Variants in AKAP8L observed in about 807,000 individuals in gnomAD.
AKAP8L encodes the protein A-kinase anchoring protein 8 like.
AKAP8L carries 34 observed loss-of-function variants against 77.5 expected under a neutral mutation model. The observed-to-expected ratio is 0.44, with a 90% confidence interval of 0.33 to 0.58. The LOEUF (loss-of-function observed/expected upper bound fraction) is 0.58, where lower values mean the gene tolerates loss of function less well. Among genes scored for constraint, AKAP8L ranks in the 20% least tolerant of loss-of-function variants. AKAP8L has a pLI of 0.02. For missense variants in AKAP8L, 806 were observed against 887.6 expected (o/e 0.91, Z 1.17); for synonymous variants, 342 against 340.7 (o/e 1.00, Z -0.04).
At chr19:15,409,634 C>T (rs552536907) in intron 2 of AKAP8L, among the ~76,000 whole-genome samples, 22 of 152,184 alleles carry the variant, frequency 1.4e-4, no homozygotes, top group Non-Finnish European at 2.8e-4. Flanking sequence ...AACAGATACC[C>T]CTAGAGTCAC....
rs1369033873 is a variant in AKAP8L, at chr19:15,380,109, C to T, written c.*13G>A. Reference sequence around the variant, plus strand: ...GCTTCGGCCACGCGGGCTCCGCCCGCCCCGAGCTCGGGTCACGGGGCGCCC... The same window carrying T: ...GCTTCGGCCACGCGGGCTCCGCCCGTCCCGAGCTCGGGTCACGGGGCGCCC... On this transcript the variant is annotated 3_prime_UTR_variant, in exon 14 of 14. Transcript: ENST00000397410. 5 of 1,471,834 alleles carry T rather than the reference C, an allele frequency of 3.4e-6. No homozygotes were observed. The Admixed American group carries it at 7.8e-5, about 23-fold the overall frequency. 91.2% of individuals were successfully genotyped at this position (1,471,834 alleles called of 1,614,324 possible).
At chr19:15,415,696 C>T (rs1009575156) in intron 1 of AKAP8L, among the ~76,000 whole-genome samples, 1 of 151,968 alleles carries the variant, frequency 6.6e-6, no homozygotes, top group African/African-American at 2.4e-5. Context: ...ACCATCCTGG[C>T]TAACAAGGTG....
Position 15,418,969 on chromosome 19 carries a change from T to C in AKAP8L, c.-46A>G, listed in dbSNP as rs1420465896. On this transcript the variant is annotated 5_prime_UTR_variant, in exon 1 of 14. Transcript: ENST00000397410. ...CCGACGACGCCGGCTTCTGCTGCTC[T>C]GAACATCCGACGCTGCGATAGCTGC... is the stretch of plus-strand genomic sequence containing the variant. 2 of 1,603,450 alleles carry C rather than the reference T, an allele frequency of 1.2e-6. No homozygotes were observed. Among genetic ancestry groups the C allele is most frequent in the Non-Finnish European group, 1.7e-6 (2 of 1,179,206 alleles).
Position 15,399,220 on chromosome 19 carries a change from A to C in AKAP8L, c.1157+82T>G. 7.7e-7 allele frequency: 1 copy of C among 1,299,696 alleles called. No homozygotes were observed. Among genetic ancestry groups the C allele is most frequent in the South Asian group, 1.2e-5 (1 of 83,396 alleles). 80.5% of individuals were successfully genotyped at this position (1,299,696 alleles called of 1,614,324 possible). A position where few individuals can be genotyped will look rare whatever the true frequency, so the allele number is the denominator to read the frequency against. On this transcript the variant is annotated intron_variant, in intron 9 of 13. Coordinates refer to ENST00000397410, the MANE Select transcript of AKAP8L (RefSeq NM_014371.4). The surrounding 1 kb of genome is among the most constrained non-coding windows in gnomAD (Gnocchi z 6.1). The stretch of plus-strand genomic sequence containing the variant: ...TCCCAAGGGAGGCCAGAGGGCGGCG[A>C]GCTGGCAGAGCTATGGCCCTGCTCT...
rs758488598 is a variant in AKAP8L, at chr19:15,403,608, T to C, written c.229A>G (p.Asn77Asp). The C allele has an allele frequency of 6.2e-6, 10 of 1,613,966 alleles. No homozygotes were observed. The highest frequency in any genetic ancestry group is 8.5e-6 in the Non-Finnish European group (10 of 1,179,888). Residue 77 changes from asparagine (N) to aspartate (D), a missense_variant, in exon 4 of 14, where the codon AAT (asparagine) becomes GAT (aspartate). Asn to Asp is a conservative substitution (Grantham distance 23). Coordinates refer to ENST00000397410, the MANE Select transcript of AKAP8L (RefSeq NM_014371.4). This position sits in a 1 kb window ranked among gnomAD's most constrained non-coding sequence, Gnocchi z 4.3. ...CTACCCGAGGCACTAGTGTTTGCAT[T>C]TGTGTCAGAGCTAGGCATTTCCCAA... ...HSWEMPSSDT[N>D]ANTSASGSAS... is the part of the protein sequence containing the mutation.
chr19:15,403,177 AGGGGT>A lies in AKAP8L; in HGVS notation c.362+293_362+297del. The A allele has an allele frequency of 2.3e-6, 1 of 437,910 alleles. No individual in the cohort carries two copies. Among genetic ancestry groups the A allele is most frequent in the Non-Finnish European group, 4.3e-6 (1 of 234,422 alleles). 27.1% of individuals were successfully genotyped at this position (437,910 alleles called of 1,614,324 possible). ...ATTCCAAATGGCTGTCCTTGGAGGGAGGGGTGGCTGAACACTCTGTTTTTGAGGGC... is the reference window on the plus strand; with the variant it reads ...ATTCCAAATGGCTGTCCTTGGAGGGAGGCTGAACACTCTGTTTTTGAGGGC... On this transcript the variant is annotated intron_variant, in intron 4 of 13. Transcript: ENST00000397410. The surrounding 1 kb of genome is among the most constrained non-coding windows in gnomAD (Gnocchi z 4.3).
chr19:15,390,390 G>A (rs1265932161), intron 12 of AKAP8L, among the ~76,000 whole-genome samples: 1 of 142,930 alleles, frequency 7.0e-6, no homozygotes, highest in East Asian at 2.0e-4. Context: ...TTGCACTCCA[G>A]CCTAGGCGAC....
intron 2 of AKAP8L, among the ~76,000 whole-genome samples, chr19:15,407,031 A>G (rs1301383928): frequency 1.3e-5 from 2 of 152,116 alleles, no homozygotes; most frequent in Non-Finnish European, 2.9e-5. Flanking sequence ...TGGGGCAGGC[A>G]GATCGCTTGA....
intron 1 of AKAP8L, among the ~76,000 whole-genome samples, chr19:15,413,849 G>A (rs181823293): frequency 6.6e-6 from 1 of 152,254 alleles, no homozygotes; most frequent in East Asian, 1.9e-4. Flanking sequence ...GCAAGCTGCT[G>A]AGCAAAATAT....
Position 15,399,430 on chromosome 19 carries a change from C to T in AKAP8L, c.1049-20G>A. 1 of 1,593,762 alleles carries T rather than the reference C, an allele frequency of 6.3e-7. No individual in the cohort carries two copies. Among genetic ancestry groups the T allele is most frequent in the Non-Finnish European group, 8.6e-7 (1 of 1,161,780 alleles). On this transcript the variant is annotated intron_variant, in intron 8 of 13. Transcript: ENST00000397410. This position sits in a 1 kb window ranked among gnomAD's most constrained non-coding sequence, Gnocchi z 6.1. ...GGGCCCCTGTGGGAGCAGATGGGCA[C>T]TGTCACCAATTTGGCTCTGCCAGGA...
At chr19:15,400,888 T>C (rs765257408) in intron 6 of AKAP8L, 24 bp from the exon 7 acceptor site, 5 of 1,613,900 alleles carry the variant, frequency 3.1e-6, no homozygotes, top group Non-Finnish European at 4.2e-6. Flanking sequence ...GGAGGTAAGC[T>C]CAACCCAGGA....
chr19:15,380,236 CTCT>C lies in AKAP8L; in HGVS notation c.1824_1826del (p.Glu613del), dbSNP rs907146985. The C allele has an allele frequency of 1.1e-4, 165 of 1,501,982 alleles. No homozygotes were observed. Among genetic ancestry groups the C allele is most frequent in the Non-Finnish European group, 1.3e-4 (143 of 1,135,414 alleles). 93.0% of individuals were successfully genotyped at this position (1,501,982 alleles called of 1,614,324 possible). A position where few individuals can be genotyped will look rare whatever the true frequency, so the allele number is the denominator to read the frequency against. On this transcript the variant is annotated inframe_deletion, in exon 14 of 14. Coordinates refer to ENST00000397410, the MANE Select transcript of AKAP8L (RefSeq NM_014371.4). ...AGGGCACGGCGCCCTCCTCCTCCTCCTCTGGGGGCGGCGGCGGTGGCGGCGACA... is the reference window on the plus strand; with the variant it reads ...AGGGCACGGCGCCCTCCTCCTCCTCCGGGGGCGGCGGCGGTGGCGGCGACA...
At position 15,397,096 on chromosome 19, in the gene AKAP8L, G is replaced by A. The variant is rs910484854; in HGVS notation, c.1536+54C>T. 6.2e-7 allele frequency: 1 copy of A among 1,603,762 alleles called. No homozygotes were observed. The highest frequency in any genetic ancestry group is 1.1e-5 in the South Asian group (1 of 90,702). ...AGGTTCCAACTGCACAACCTCCCCA[G>A]AGGCCTCACTCAATCTACCCACAGG... On this transcript the variant is annotated intron_variant, in intron 12 of 13. Transcript: ENST00000397410. This position sits in a 1 kb window ranked among gnomAD's most constrained non-coding sequence, Gnocchi z 4.7.
intron 2 of AKAP8L, 64 bp from the exon 3 acceptor site, chr19:15,404,106 G>T: frequency 6.5e-7 from 1 of 1,542,974 alleles, no homozygotes; most frequent in Non-Finnish European, 8.9e-7. Flanking sequence ...TAATTCAGGC[G>T]CAGACAATTA....
chr19:15,388,979 C>T (rs1311944758), intron 12 of AKAP8L, among the ~76,000 whole-genome samples: 3 of 150,548 alleles, frequency 2.0e-5, no homozygotes, highest in African/African-American at 7.3e-5. Context: ...CTTAGGGAGG[C>T]CGAGGCAGGC....
chr19:15,400,179 C>A, intron 8 of AKAP8L, 116 bp downstream of exon 8: 3 of 1,083,586 alleles, frequency 2.8e-6, no homozygotes, highest in Non-Finnish European at 4.2e-6. Context: ...CTCGGGCCCA[C>A]AAGGGAGGTC....
At chr19:15,383,492 C>T (rs367848504) in intron 12 of AKAP8L, 1 of 152,220 alleles carries the variant, frequency 6.6e-6, no homozygotes. Flanking sequence ...CTGCCCCCAG[C>T]CTTGCATATT....
chr19:15,391,216 TTTG>T (rs1000503386), intron 12 of AKAP8L, among the ~76,000 whole-genome samples: 1 of 151,986 alleles, frequency 6.6e-6, no homozygotes, highest in African/African-American at 2.4e-5. Flanking sequence ...ATCCCAGCAC[TTTG>T]GGAGGCCGAG....
At chr19:15,404,549 T>C (rs1967961213) in intron 2 of AKAP8L, among the ~76,000 whole-genome samples, 1 of 152,238 alleles carries the variant, frequency 6.6e-6, no homozygotes, top group African/African-American at 2.4e-5. Context: ...TAATATGCTC[T>C]GGATTCAATC....
Sources: allele counts gnomAD v4.1 joint callset (sites outside exome capture counted in the v4.1 genomes callset), GRCh38; gene constraint gnomAD v4.1.1; non-coding constraint Gnocchi (gnomAD v3.1); transcripts MANE v1.5; gene names NCBI Gene and HGNC (gene_info 2026-07-23, HGNC 2026-07-21).